EXTL3: variants seen among roughly 807,000 people sequenced by gnomAD.
The protein encoded by EXTL3 is exostosin-like 3.
EXTL3 carries 27 observed loss-of-function variants against 69.3 expected under a neutral mutation model. The observed-to-expected ratio is 0.39, with a 90% CI of 0.29 to 0.54. The LOEUF (loss-of-function observed/expected upper bound fraction) is 0.54, where lower values mean the gene tolerates loss of function less well. Among genes scored for constraint, EXTL3 ranks in the 20% least tolerant of loss-of-function variants. The pLI is 0.69. For synonymous variants in EXTL3, 511 were observed against 499.4 expected (o/e 1.02, Z -0.31); for missense variants, 1,003 against 1,231.8 (o/e 0.81, Z 2.78).
At chr8:28,734,117 C>T (rs1290831262) in intron 4 of EXTL3, among the ~76,000 whole-genome samples, 1 of 152,160 alleles carries the variant, frequency 6.6e-6, no homozygotes, top group African/African-American at 2.4e-5. Flanking sequence ...CGCACCAGGC[C>T]AGGATTGTCT....
At chr8:28,611,905 G>T in intron 2 of EXTL3, among the ~76,000 whole-genome samples, 1 of 152,198 alleles carries the variant, frequency 6.6e-6, no homozygotes, top group East Asian at 1.9e-4. Flanking sequence ...GCTAGACCTT[G>T]TCATTGGGGC....
At chr8:28,656,075 G>A (rs1438599798) in intron 1 of EXTL3, among the ~76,000 whole-genome samples, 5 of 152,114 alleles carry the variant, frequency 3.3e-5, no homozygotes, top group Admixed American at 3.3e-4. Flanking sequence ...TTTCAGGGAA[G>A]CAACTGCCAT....
intron 1 of EXTL3, among the ~76,000 whole-genome samples, chr8:28,662,018 T>C (rs1430921195): frequency 2.0e-5 from 3 of 151,282 alleles, no homozygotes; most frequent in South Asian, 2.1e-4. Flanking sequence ...ATATAAACTA[T>C]AGAGGGTAAA....
At chr8:28,730,882 A>C (rs1801520693) in intron 3 of EXTL3, among the ~76,000 whole-genome samples, 1 of 152,166 alleles carries the variant, frequency 6.6e-6, no homozygotes, top group Admixed American at 6.5e-5. Flanking sequence ...AGCCATTGGA[A>C]TCTCAGATCC....
At chr8:28,672,219 C>T (rs1585243154) in intron 1 of EXTL3, among the ~76,000 whole-genome samples, 2 of 151,986 alleles carry the variant, frequency 1.3e-5, no homozygotes, top group South Asian at 2.1e-4. Flanking sequence ...AGATCGAGAC[C>T]ATCCTGGCTA....
At chr8:28,698,820 C>G (rs1319332879), upstream of EXTL3, among the ~76,000 whole-genome samples, 2 of 152,134 alleles carry the variant, frequency 1.3e-5, no homozygotes, top group East Asian at 1.9e-4. Context: ...ATGGTGAAAC[C>G]CTGTCTCTAC....
chr8:28,610,523 C>T (rs1381178329), intron 2 of EXTL3, among the ~76,000 whole-genome samples: 2 of 152,106 alleles, frequency 1.3e-5, no homozygotes, highest in Non-Finnish European at 1.5e-5. Flanking sequence ...AGCCCAGGCA[C>T]TGAGGACCGG....
rs917331515 is a variant in EXTL3, at chr8:28,642,899, T to G, written c.-53+20089T>G. Among the ~76,000 whole-genome samples the G allele has an allele frequency of 3.3e-4, 51 of 152,248 alleles. 1 individual carries two copies. Among genetic ancestry groups the G allele is most frequent in the African/African-American group, 1.1e-3 (47 of 41,542 alleles). ...TTTTAAAATGACTTTTATATAAATG[T>G]TGAGTAGATGCAAAAGAAAATGTGC... On this transcript the variant is annotated intron_variant, in intron 1 of 6. Coordinates refer to the EXTL3 transcript ENST00000523149.
At chr8:28,619,298 A>AC (rs1806374239), upstream of EXTL3, among the ~76,000 whole-genome samples, 1 of 91,466 alleles carries the variant, frequency 1.1e-5, no homozygotes, top group Non-Finnish European at 2.2e-5. Context: ...AAAAAAAAAA[A>AC]AAAAAAAAAA....
chr8:28,644,375 T>C (rs555744895), intron 1 of EXTL3, among the ~76,000 whole-genome samples: 9 of 152,242 alleles, frequency 5.9e-5, no homozygotes, highest in African/African-American at 2.2e-4. Context: ...ACATAGAATC[T>C]CTGGAGTACA....
At chr8:28,647,540 G>A (rs1585230093) in intron 1 of EXTL3, among the ~76,000 whole-genome samples, 2 of 152,270 alleles carry the variant, frequency 1.3e-5, no homozygotes, top group Middle Eastern at 3.4e-3. Context: ...GTTATGTTAA[G>A]TTCAGGAGAC....
chr8:28,729,963 G>GC (rs1360859069), intron 3 of EXTL3, among the ~76,000 whole-genome samples: 2 of 151,954 alleles, frequency 1.3e-5, no homozygotes, highest in African/African-American at 4.8e-5. Context: ...AGTCTCCAAA[G>GC]CCCTTCTAGC....
chr8:28,747,466 T>C (rs1403922409), intron 6 of EXTL3, among the ~76,000 whole-genome samples: 1 of 152,202 alleles, frequency 6.6e-6, no homozygotes, highest in Non-Finnish European at 1.5e-5. Flanking sequence ...GCATACTGGC[T>C]GTACACAATG....
intron 2 of EXTL3, among the ~76,000 whole-genome samples, chr8:28,616,487 C>T (rs1337865330): frequency 6.6e-6 from 1 of 152,066 alleles, no homozygotes; most frequent in East Asian, 1.9e-4. Context: ...ATTAGCAGGG[C>T]GTGGTGGCGG....
At chr8:28,684,105 G>A (rs1395898685) in intron 1 of EXTL3, among the ~76,000 whole-genome samples, 1 of 151,976 alleles carries the variant, frequency 6.6e-6, no homozygotes, top group Non-Finnish European at 1.5e-5. Context: ...CAGGTGACAG[G>A]GTCTCATTTT....
intron 1 of EXTL3, among the ~76,000 whole-genome samples, chr8:28,663,815 T>G (rs931865244): frequency 6.6e-6 from 1 of 152,058 alleles, no homozygotes; most frequent in Non-Finnish European, 1.5e-5. Context: ...TTCTCAAACC[T>G]CCCCTCAGCA....
chr8:28,638,372 A>G (rs1350127042), intron 1 of EXTL3, among the ~76,000 whole-genome samples: 1 of 152,226 alleles, frequency 6.6e-6, no homozygotes, highest in African/African-American at 2.4e-5. Context: ...GCATTATTTC[A>G]TGCACCTGAA....
intron 1 of EXTL3, chr8:28,696,137 C>T (rs1384113891): frequency 6.6e-6 from 1 of 152,168 alleles, no homozygotes. Context: ...TCAAGTGCTT[C>T]TCCCACATCA....
At chr8:28,704,993 C>CA (rs1800891924) in intron 1 of EXTL3, among the ~76,000 whole-genome samples, 1 of 152,190 alleles carries the variant, frequency 6.6e-6, no homozygotes, top group Non-Finnish European at 1.5e-5. Flanking sequence ...TATAAAAGCA[C>CA]AGTGGCTTCG....
Sources: allele counts gnomAD v4.1 joint callset (sites outside exome capture counted in the v4.1 genomes callset), GRCh38; gene constraint gnomAD v4.1.1; transcripts MANE v1.5; gene names NCBI Gene and HGNC (gene_info 2026-07-23, HGNC 2026-07-21).